Variants in SORCS1 observed in about 807,000 individuals in gnomAD.
SORCS1 encodes sortilin related VPS10 domain containing receptor 1, also known as VPS10 domain-containing receptor SorCS1.
A neutral mutation model predicts 146.1 loss-of-function variants in SORCS1; 60 were observed. The observed-to-expected ratio is 0.41, with a 90% confidence interval of 0.33 to 0.51. The LOEUF (loss-of-function observed/expected upper bound fraction) is 0.51, where lower values mean the gene tolerates loss of function less well. Among genes scored for constraint, SORCS1 ranks in the 20% least tolerant of loss-of-function variants. The pLI, the probability that SORCS1 is intolerant of heterozygous loss-of-function variation, is 0.21. For missense variants in SORCS1, 1,352 were observed against 1,487.6 expected, an observed-to-expected ratio of 0.91 and a Z score of 1.50; for synonymous variants, 637 against 584.0, an observed-to-expected ratio of 1.09 and a Z score of -1.31.
At chr10:107,170,842 G>T in the SORCS1 span, among the ~76,000 whole-genome samples, 2 of 152,162 alleles carry the variant, frequency 1.3e-5, no homozygotes, top group African/African-American at 4.8e-5. Context: ...GGCGGTCAAA[G>T]GCACAAAGTC....
chr10:107,033,618 A>T (rs756540825), intron 1 of SORCS1, among the ~76,000 whole-genome samples: 7 of 152,222 alleles, frequency 4.6e-5, no homozygotes, highest in Non-Finnish European at 7.3e-5. Flanking sequence ...TAAATTAGCA[A>T]ATTACCACAT....
intron 2 of SORCS1, among the ~76,000 whole-genome samples, chr10:106,904,036 T>C (rs1384907060): frequency 4.6e-5 from 7 of 152,224 alleles, no homozygotes; most frequent in South Asian, 2.1e-4. Flanking sequence ...TTTGTGCTTA[T>C]AGATGAAACA....
At chr10:107,155,309 C>T (rs1969189096) in intron 1 of SORCS1, among the ~76,000 whole-genome samples, 1 of 152,182 alleles carries the variant, frequency 6.6e-6, no homozygotes, top group South Asian at 2.1e-4. Flanking sequence ...GACTCTTAAA[C>T]TCATGTGCAA....
chr10:106,926,826 TATACACACACACACAC>T (rs200058800), intron 2 of SORCS1, among the ~76,000 whole-genome samples: 31,135 of 139,694 alleles, frequency 0.22, 3,961 homozygotes, highest in Non-Finnish European at 0.3. Context: ...AAGGAATATA[TATACACACACACACAC>T]ACACACACAC....
intron 3 of SORCS1, among the ~76,000 whole-genome samples, chr10:106,817,098 C>T (rs569553504): frequency 9.8e-4 from 149 of 152,320 alleles, no homozygotes; most frequent in African/African-American, 3.2e-3. Context: ...CACACAAACA[C>T]ACCACATCAC....
intron 3 of SORCS1, among the ~76,000 whole-genome samples, chr10:106,806,299 C>A (rs1421121196): frequency 4.6e-5 from 7 of 150,564 alleles, no homozygotes; most frequent in Non-Finnish European, 1.0e-4. Context: ...ACCCGGGAGG[C>A]AGAGGTTGCA....
At chr10:106,775,114 A>T (rs1008976568) in intron 4 of SORCS1, among the ~76,000 whole-genome samples, 3 of 152,234 alleles carry the variant, frequency 2.0e-5, no homozygotes, top group African/African-American at 7.2e-5. Context: ...CTCCTCCAGC[A>T]TAACTGCAAA....
chr10:107,049,185 A>G (rs1256687425), intron 1 of SORCS1, among the ~76,000 whole-genome samples: 1 of 147,078 alleles, frequency 6.8e-6, no homozygotes, highest in Non-Finnish European at 1.5e-5. Context: ...CAAACACCGC[A>G]TGTTCTCACT....
In SORCS1 at chr10:106,889,955, C is replaced by G. The variant is rs1446546698; in HGVS notation, c.627-60282G>C. Among the ~76,000 whole-genome samples, 4 of 148,448 alleles carry G rather than the reference C, an allele frequency of 2.7e-5. No homozygotes were observed. The East Asian group carries it at 6.1e-4, about 23-fold the overall frequency. The stretch of plus-strand genomic sequence containing the variant: ...CTTGATATTAGGACACCCTGCTCTT[C>G]TGATGACTTTACACTACTATTTCTC... On this transcript the variant is annotated intron_variant, in intron 2 of 25. Coordinates refer to ENST00000263054, the MANE Select transcript of SORCS1 (RefSeq NM_052918.5).
intron 1 of SORCS1, among the ~76,000 whole-genome samples, chr10:107,112,335 A>G (rs1327650721): frequency 6.6e-6 from 1 of 152,122 alleles, no homozygotes; most frequent in African/African-American, 2.4e-5. Context: ...TAATTTTAGG[A>G]TGTTTTACGT....
chr10:107,032,583 G>A (rs1232043226), intron 1 of SORCS1, among the ~76,000 whole-genome samples: 1 of 152,144 alleles, frequency 6.6e-6, no homozygotes, highest in Non-Finnish European at 1.5e-5. Context: ...TGAGTTAGAA[G>A]AGCTGAGTCA....
intron 2 of SORCS1, among the ~76,000 whole-genome samples, chr10:106,911,604 C>A (rs369245892): frequency 1.2e-3 from 180 of 152,248 alleles, no homozygotes; most frequent in African/African-American, 4.0e-3. Flanking sequence ...ACTGTCAGCA[C>A]CTGCAGTCAC....
chr10:106,725,644 A>G (rs546128687), intron 6 of SORCS1, among the ~76,000 whole-genome samples: 1 of 152,202 alleles, frequency 6.6e-6, no homozygotes, highest in African/African-American at 2.4e-5. Context: ...AGGAAATGAG[A>G]AAGAGGCCAG....
At chr10:106,957,100 G>A (rs971714069) in intron 1 of SORCS1, among the ~76,000 whole-genome samples, 1 of 151,492 alleles carries the variant, frequency 6.6e-6, no homozygotes, top group African/African-American at 2.4e-5. Flanking sequence ...CAAAAGAATT[G>A]CTGTTTGAAG....
At position 106,814,917 on chromosome 10, in the gene SORCS1, A is replaced by AAG. The variant is rs1286430761; in HGVS notation, c.726+14656_726+14657insCT. ...GCGACAGAGCGAGACTCCATCTCAA[A>AAG]AAAAAAAAAAAAAAAAAAGGTGGTC... On this transcript the variant is annotated intron_variant, in intron 3 of 25. Transcript: ENST00000263054. 1.5e-4 allele frequency among the ~76,000 whole-genome samples: 23 copies of AAG among 149,956 alleles called. No homozygotes were observed. In the East Asian group the frequency reaches 4.1e-3, roughly 27 times the overall value.
At chr10:107,111,685 CA>C (rs1565058779) in intron 1 of SORCS1, among the ~76,000 whole-genome samples, 2 of 152,072 alleles carry the variant, frequency 1.3e-5, no homozygotes, top group African/African-American at 4.8e-5. Context: ...GAAAACTATC[CA>C]GACCTTTGGA....
At chr10:107,152,026 C>A (rs922541154) in intron 1 of SORCS1, among the ~76,000 whole-genome samples, 2 of 152,160 alleles carry the variant, frequency 1.3e-5, no homozygotes, top group African/African-American at 4.8e-5. Context: ...AGGCCCAGAA[C>A]CCACTGCTCT....
chr10:107,087,076 C>A (rs1455491295), intron 1 of SORCS1, among the ~76,000 whole-genome samples: 1 of 152,112 alleles, frequency 6.6e-6, no homozygotes, highest in East Asian at 1.9e-4. Flanking sequence ...ATGGAAAGAA[C>A]ACTAGACTGA....
At chr10:106,873,777 C>T (rs1300558526) in intron 2 of SORCS1, among the ~76,000 whole-genome samples, 1 of 152,194 alleles carries the variant, frequency 6.6e-6, no homozygotes. Flanking sequence ...ATAACTCCTT[C>T]ACCTCGAGGC....
Sources: allele counts gnomAD v4.1 joint callset (sites outside exome capture counted in the v4.1 genomes callset), GRCh38; gene constraint gnomAD v4.1.1; transcripts MANE v1.5; gene names NCBI Gene and HGNC (gene_info 2026-07-23, HGNC 2026-07-21).